The following ERBB4 variants were observed in gnomAD, a reference collection of about 807,000 sequenced individuals.
ERBB4 encodes the protein erb-b2 receptor tyrosine kinase 4.
In ERBB4, 42 loss-of-function variants were observed where a neutral mutation model predicts 158.0. The ratio of observed to expected loss-of-function variants is 0.27; its 90% CI spans 0.21 to 0.34. The LOEUF is 0.34. ERBB4 is among the 10% of genes least tolerant of loss of function. ERBB4 has a pLI of 1.00. For synonymous variants in ERBB4, 583 were observed against 558.7 expected, an observed-to-expected ratio of 1.04 and a Z score of -0.61; for missense variants, 1,333 against 1,624.1, an observed-to-expected ratio of 0.82 and a Z score of 3.08.
intron 2 of ERBB4, among the ~76,000 whole-genome samples, chr2:212,013,200 G>A (rs1004815084): frequency 5.3e-5 from 8 of 152,056 alleles, no homozygotes; most frequent in Non-Finnish European, 1.5e-5. Context: ...AGGGCTACAG[G>A]CACTCACCCC....
intron 2 of ERBB4, among the ~76,000 whole-genome samples, chr2:212,056,157 C>T (rs539724102): frequency 6.6e-6 from 1 of 152,220 alleles, no homozygotes; most frequent in South Asian, 2.1e-4. Flanking sequence ...CCGATTTGAT[C>T]AACTGGAAGA....
chr2:211,971,963 G>T (rs2081466723), intron 2 of ERBB4, among the ~76,000 whole-genome samples: 1 of 152,106 alleles, frequency 6.6e-6, no homozygotes, highest in Non-Finnish European at 1.5e-5. Context: ...AGAAAGAGAG[G>T]AAGTCAAACT....
At chr2:211,661,896 G>A (rs111273505) in intron 15 of ERBB4, among the ~76,000 whole-genome samples, 10,775 of 148,978 alleles carry the variant, frequency 0.072, 584 homozygotes, top group Non-Finnish European at 0.11. Context: ...AAAATTAGCC[G>A]GGCGTAGTGG....
Position 211,379,012 on chromosome 2 carries a change from T to G in ERBB4, c.*4603A>C, listed in dbSNP as rs7586570. On this transcript the variant is annotated 3_prime_UTR_variant, in exon 28 of 28. Coordinates refer to ENST00000342788, the MANE Select transcript of ERBB4 (RefSeq NM_005235.3). ...ACAACTAGAAGCTGATGCACATGGA[T>G]TTCTCATTTGCCCTATAACAATCAT... 0.058 allele frequency: 13,384 copies of G among 231,822 alleles called. 1,688 individuals carry two copies. The highest frequency in any genetic ancestry group is 0.27 in the African/African-American group (12,167 of 45,262). 14.4% of individuals were successfully genotyped at this position (231,822 alleles called of 1,614,324 possible). A position where few individuals can be genotyped will look rare whatever the true frequency, so the allele number is the denominator to read the frequency against.
chr2:211,791,657 GC>G (rs1246845157), intron 3 of ERBB4, among the ~76,000 whole-genome samples: 1 of 151,786 alleles, frequency 6.6e-6, no homozygotes, highest in Non-Finnish European at 1.5e-5. Context: ...GAAAAAAGCT[GC>G]TATGAGTTTT....
At chr2:211,565,588 T>C (rs2067522439) in intron 19 of ERBB4, among the ~76,000 whole-genome samples, 1 of 152,134 alleles carries the variant, frequency 6.6e-6, no homozygotes, top group Admixed American at 6.6e-5. Context: ...TATAATTACC[T>C]TAAAGCTACT....
chr2:212,538,672 C>A lies in ERBB4; in HGVS notation c.-142G>T. ...GCGCGGCGCGCGCGGTGTGGCGACT[C>A]CCAGGGCGGGCGACCGAGTCCGCGC... is the stretch of plus-strand genomic sequence containing the variant. On this transcript the variant is annotated 5_prime_UTR_variant, in exon 1 of 28. Coordinates refer to ENST00000342788, the MANE Select transcript of ERBB4 (RefSeq NM_005235.3). 1 of 694,374 alleles carries A rather than the reference C, an allele frequency of 1.4e-6. No homozygotes were observed. Among genetic ancestry groups the A allele is most frequent in the East Asian group, 3.4e-5 (1 of 29,502 alleles). The allele number at this position is 694,374 out of a possible 1,614,324, so 43.0% of individuals were successfully genotyped here. A position where few individuals can be genotyped will look rare whatever the true frequency, so the allele number is the denominator to read the frequency against.
intron 1 of ERBB4, among the ~76,000 whole-genome samples, chr2:212,516,645 G>C (rs904746929): frequency 1.3e-5 from 2 of 152,052 alleles, no homozygotes; most frequent in African/African-American, 4.8e-5. Context: ...CCTCATTAGA[G>C]TGTGTTGAAT....
At chr2:212,171,811 C>A (rs1207647539) in intron 1 of ERBB4, among the ~76,000 whole-genome samples, 1 of 152,152 alleles carries the variant, frequency 6.6e-6, no homozygotes, top group Non-Finnish European at 1.5e-5. Context: ...GTCAATTAAA[C>A]CTCTTTTATT....
At chr2:211,814,698 A>G (rs981294935) in intron 3 of ERBB4, among the ~76,000 whole-genome samples, 17 of 152,192 alleles carry the variant, frequency 1.1e-4, no homozygotes, top group African/African-American at 4.1e-4. Flanking sequence ...GAAGTCTCAA[A>G]ACAGGTAGAA....
chr2:211,913,998 G>A (rs2079614454), intron 3 of ERBB4, among the ~76,000 whole-genome samples: 1 of 146,882 alleles, frequency 6.8e-6, no homozygotes, highest in Non-Finnish European at 1.5e-5. Flanking sequence ...AAAAAGTCAA[G>A]GACAAGAAAT....
chr2:211,773,619 T>C (rs1165435017), intron 4 of ERBB4, among the ~76,000 whole-genome samples: 1 of 58,052 alleles, frequency 1.7e-5, no homozygotes, highest in African/African-American at 8.6e-5. Flanking sequence ...TATATATATA[T>C]ATATATATAT....
At chr2:212,234,316 C>G (rs1030607579) in intron 1 of ERBB4, among the ~76,000 whole-genome samples, 4 of 152,110 alleles carry the variant, frequency 2.6e-5, no homozygotes, top group South Asian at 2.1e-4. Flanking sequence ...ATGAACTCAT[C>G]CTTTTTTATG....
chr2:211,485,356 C>T (rs1351992028), intron 20 of ERBB4, among the ~76,000 whole-genome samples: 1 of 152,102 alleles, frequency 6.6e-6, no homozygotes, highest in Non-Finnish European at 1.5e-5. Context: ...TGTCATTAAC[C>T]TTGTTCGTTT....
At chr2:212,139,305 A>G (rs926305307) in intron 1 of ERBB4, among the ~76,000 whole-genome samples, 14 of 152,084 alleles carry the variant, frequency 9.2e-5, no homozygotes, top group Admixed American at 9.2e-4. Context: ...ACACACACGC[A>G]CATGTGCACA....
intron 1 of ERBB4, among the ~76,000 whole-genome samples, chr2:212,489,944 A>G (rs977547285): frequency 5.3e-5 from 8 of 151,640 alleles, no homozygotes; most frequent in African/African-American, 1.9e-4. Flanking sequence ...GTCTTTTACT[A>G]CTTCCTTCAT....
intron 3 of ERBB4, among the ~76,000 whole-genome samples, chr2:211,807,181 A>G (rs58133726): frequency 0.29 from 44,344 of 151,960 alleles, 6,913 homozygotes; most frequent in East Asian, 0.4. Context: ...TCTAGGGTAC[A>G]TGTGCACAAC....
rs569612866 is a variant in ERBB4 at position 211,380,164 on chromosome 2, A to G, written c.*3451T>C. ...TTGCGTTGTTTTTCATGCTATTTTA[A>G]GAATGTTACTGGAGAAAGGATTCTC... On this transcript the variant is annotated 3_prime_UTR_variant, in exon 28 of 28. Transcript: ENST00000342788. 4.3e-6 allele frequency: 1 copy of G among 232,074 alleles called. No homozygotes were observed. Among genetic ancestry groups the G allele is most frequent in the African/African-American group, 2.2e-5 (1 of 45,372 alleles). The allele number at this position is 232,074 out of a possible 1,614,324, so 14.4% of individuals were successfully genotyped here.
chr2:212,512,231 G>A (rs575265431), intron 1 of ERBB4, among the ~76,000 whole-genome samples: 1 of 152,144 alleles, frequency 6.6e-6, no homozygotes, highest in South Asian at 2.1e-4. Context: ...GGAGTCAGGG[G>A]AAAGTTGACT....
Sources: gnomAD v4.1 joint callset for allele counts (sites outside exome capture counted in the v4.1 genomes callset) on GRCh38, gnomAD v4.1.1 for gene constraint, MANE v1.5 for transcripts, NCBI Gene and HGNC (gene_info 2026-07-23, HGNC 2026-07-21) for gene names.